SCNN1A: variants seen among roughly 807,000 people sequenced by gnomAD.
SCNN1A encodes the protein epithelial sodium channel subunit alpha.
A neutral mutation model predicts 68.6 loss-of-function variants in SCNN1A; 65 were observed. That is an observed-to-expected ratio of 0.95 (90% CI 0.78 to 1.16). The LOEUF (loss-of-function observed/expected upper bound fraction) is 1.16, where lower values mean the gene tolerates loss of function less well. SCNN1A is among the 50% of genes most tolerant of loss of function. The pLI is 0.00. For synonymous variants in SCNN1A, 357 were observed against 353.3 expected (o/e 1.01, Z -0.12); for missense variants, 880 against 865.9 (o/e 1.02, Z -0.20).
intron 4 of SCNN1A, among the ~76,000 whole-genome samples, chr12:6,359,574 G>A (rs1333711006): frequency 2.0e-5 from 3 of 151,936 alleles, no homozygotes; most frequent in African/African-American, 4.8e-5. Flanking sequence ...TAGTTCACCC[G>A]ATAGCTGGTT....
rs1429002172 is a variant in SCNN1A at position 6,362,208 on chromosome 12, T to G, written c.718A>C (p.Thr240Pro). ...NQNKSDCFYQ[T>P]YSSGVDAVRE... is the part of the protein sequence containing the mutation. ...ACCGCATCCACCCCTGATGAGTATG[T>G]CTGGTAGAAGCAGTCCGATTTGTTC... The change falls in exon 4 of 13, where the codon ACA (threonine) becomes CCA (proline). Residue 240 changes from threonine to proline, a missense_variant. This residue lies in a region of SCNN1A where 758 missense variants were observed against 721.8 expected (regional missense o/e 1.05). Transcript: ENST00000228916. 1.9e-6 allele frequency: 3 copies of G among 1,614,044 alleles called. No homozygotes were observed. The African/African-American group carries it at 4.0e-5, about 22-fold the overall frequency.
intron 3 of SCNN1A, 32 bp from the exon 4 acceptor site, chr12:6,362,273 C>T (rs766318496): frequency 2.1e-5 from 33 of 1,597,602 alleles, no homozygotes; most frequent in South Asian, 6.6e-5. Context: ...AGAGGGGACA[C>T]GCAGCCGGGG....
chr12:6,375,103 C>CAAA, intron 1 of SCNN1A: 2 of 1,507,028 alleles, frequency 1.3e-6, no homozygotes, highest in Non-Finnish European at 1.8e-6. Context: ...CTGATAGGGC[C>CAAA]ACCTTTCGAG....
chr12:6,352,756 C>T (rs994537165), intron 8 of SCNN1A, among the ~76,000 whole-genome samples: 2 of 152,318 alleles, frequency 1.3e-5, no homozygotes, highest in South Asian at 4.1e-4. Context: ...CAGGAGGCCA[C>T]GACTGGAAAG....
chr12:6,364,421 G>C (rs1948640439), intron 2 of SCNN1A, among the ~76,000 whole-genome samples: 1 of 152,036 alleles, frequency 6.6e-6, no homozygotes, highest in Non-Finnish European at 1.5e-5. Flanking sequence ...CTAACAAACT[G>C]AACAAGGTTG....
intron 4 of SCNN1A, 112 bp downstream of exon 4, chr12:6,361,939 T>G (rs1948585778): frequency 8.2e-7 from 1 of 1,217,904 alleles, no homozygotes; most frequent in Non-Finnish European, 1.2e-6. Flanking sequence ...CTGCTGGCAC[T>G]GGCATTTTTT....
At chr12:6,350,574 C>G in intron 8 of SCNN1A, among the ~76,000 whole-genome samples, 1 of 152,264 alleles carries the variant, frequency 6.6e-6, no homozygotes, top group Non-Finnish European at 1.5e-5. Flanking sequence ...CGGTGGCTCA[C>G]GCCTGTAATA....
intron 2 of SCNN1A, among the ~76,000 whole-genome samples, chr12:6,366,193 C>G (rs1948676685): frequency 6.6e-6 from 1 of 152,110 alleles, no homozygotes; most frequent in African/African-American, 2.4e-5. Flanking sequence ...ACCCTGTACA[C>G]AGCTAGTGAG....
At chr12:6,368,571 C>T (rs1408204236) in intron 2 of SCNN1A, among the ~76,000 whole-genome samples, 3 of 152,318 alleles carry the variant, frequency 2.0e-5, no homozygotes, top group Non-Finnish European at 2.9e-5. Context: ...CACAGTATAC[C>T]GTTAGCCACT....
Position 6,347,869 on chromosome 12 carries a change from C to T in SCNN1A, c.*4G>A, listed in dbSNP as rs557017986. ...CCTTGGTGTGAGAAACCTCTCCTTCCCTCTCAGGGCCCCCCCAGAGGACAG... is the reference window on the plus strand; with the variant it reads ...CCTTGGTGTGAGAAACCTCTCCTTCTCTCTCAGGGCCCCCCCAGAGGACAG... On this transcript the variant is annotated 3_prime_UTR_variant, in exon 13 of 13. Transcript: ENST00000228916. 336 of 1,599,986 alleles carry T rather than the reference C, an allele frequency of 2.1e-4. No individual in the cohort carries two copies. Among genetic ancestry groups the T allele is most frequent in the Middle Eastern group, 4.3e-4 (2 of 4,646 alleles).
rs756833708 is a variant in SCNN1A, at chr12:6,354,825, G to T, written c.1167C>A (p.Gly389=). The change falls in exon 7 of 13, where the codon GGC becomes GGA. Residue 389 remains glycine, a synonymous_variant. Coordinates refer to ENST00000228916, the MANE Select transcript of SCNN1A (RefSeq NM_001038.6). ...MRKETLDRLG[G]DYGDCTKNGS... ...CATTCTTGGTGCAGTCGCCATAATC[G>T]CCCCCAAGTCTGTCCAGGGTTTCCT... 3 of 1,613,570 alleles carry T rather than the reference G, an allele frequency of 1.9e-6. No homozygotes were observed. Among genetic ancestry groups the T allele is most frequent in the Non-Finnish European group, 2.5e-6 (3 of 1,179,856 alleles).
At chr12:6,358,703 A>T (rs1355806114) in intron 4 of SCNN1A, among the ~76,000 whole-genome samples, 1 of 151,702 alleles carries the variant, frequency 6.6e-6, no homozygotes, top group Non-Finnish European at 1.5e-5. Context: ...TACTAAAATT[A>T]AAAAAAATTA....
chr12:6,361,904 C>A, intron 4 of SCNN1A, 147 bp downstream of exon 4: 1 of 868,996 alleles, frequency 1.2e-6, no homozygotes. Flanking sequence ...AGGGTGTGGG[C>A]CCAAAGCCAG....
At chr12:6,362,310 A>G in intron 3 of SCNN1A, 69 bp from the exon 4 acceptor site, 4 of 1,347,516 alleles carry the variant, frequency 3.0e-6, no homozygotes, top group Non-Finnish European at 4.3e-6. Context: ...GGCCAAGGGC[A>G]AAGAATGAGT....
Position 6,350,447 on chromosome 12 carries a change from A to C in SCNN1A, c.1361-1042T>G, listed in dbSNP as rs992188193. 3.3e-5 allele frequency among the ~76,000 whole-genome samples: 5 copies of C among 152,092 alleles called. No homozygotes were observed. In the East Asian group the frequency reaches 9.7e-4, roughly 29 times the overall value. The stretch of plus-strand genomic sequence containing the variant: ...AGACTCCGTCTCAAAAAAAAAAAAA[A>C]AGAAAAGAAAAATGGGAACAATAAT... On this transcript the variant is annotated intron_variant, in intron 8 of 12. Coordinates refer to ENST00000228916, the MANE Select transcript of SCNN1A (RefSeq NM_001038.6).
intron 2 of SCNN1A, among the ~76,000 whole-genome samples, chr12:6,370,306 T>G (rs1005776274): frequency 1.3e-5 from 2 of 152,232 alleles, no homozygotes; most frequent in African/African-American, 4.8e-5. Context: ...CTTTTTCCAC[T>G]GTGTCTGCCT....
chr12:6,372,713 C>A lies in SCNN1A; in HGVS notation c.416+1655G>T, dbSNP rs144638507. Among the ~76,000 whole-genome samples, 29 of 152,050 alleles carry A rather than the reference C, an allele frequency of 1.9e-4. 1 individual carries two copies. In the East Asian group the frequency reaches 5.6e-3, roughly 29 times the overall value. The stretch of plus-strand genomic sequence containing the variant: ...CCTTCCCCTTCCTGCTGGGTCCCTC[C>A]CCTCCACCAAGGCCTAAAGGGGTGA... On this transcript the variant is annotated intron_variant, in intron 2 of 12. Transcript: ENST00000228916. The surrounding 1 kb of genome is among the most constrained non-coding windows in gnomAD (Gnocchi z 5.8).
At chr12:6,349,124 G>A (rs1323704581) in intron 10 of SCNN1A, 40 bp downstream of exon 10, 2 of 1,607,116 alleles carry the variant, frequency 1.2e-6, no homozygotes, top group Admixed American at 1.7e-5. Flanking sequence ...GCATTACATG[G>A]GCACACACAT....
intron 8 of SCNN1A, chr12:6,349,888 G>A (rs1220428178): frequency 4.7e-5 from 8 of 169,398 alleles, no homozygotes; most frequent in South Asian, 4.6e-4. Flanking sequence ...CACCACGCCC[G>A]GCTAATTTTT....
Sources: allele counts gnomAD v4.1 joint callset (sites outside exome capture counted in the v4.1 genomes callset), GRCh38; gene constraint gnomAD v4.1.1; regional missense constraint gnomAD v4.1.1; non-coding constraint Gnocchi (gnomAD v3.1); transcripts MANE v1.5; gene names NCBI Gene and HGNC (gene_info 2026-07-23, HGNC 2026-07-21).